The following FREM1 variants were observed in gnomAD, a reference collection of about 807,000 sequenced individuals.
The protein encoded by FREM1 is FRAS1 related extracellular matrix 1, also known as FRAS1-related extracellular matrix protein 1.
A neutral mutation model predicts 210.1 loss-of-function variants in FREM1; 220 were observed. That is an observed-to-expected ratio of 1.05 (90% confidence interval 0.94 to 1.17). FREM1 has a LOEUF of 1.17. FREM1 is among the 50% of genes most tolerant of loss of function. The probability of loss-of-function intolerance (pLI) is 0.00; values close to 1 mark genes in which losing one functional copy is unlikely to be tolerated. For missense variants in FREM1, 3,454 were observed against 2,675.5 expected (o/e 1.29, Z -6.42); for synonymous variants, 1,189 against 980.2 (o/e 1.21, Z -3.98).
chr9:14,797,619 C>G lies in FREM1; in HGVS notation c.3718G>C (p.Asp1240His). The G allele has an allele frequency of 6.2e-7, 1 of 1,612,392 alleles. No individual in the cohort carries two copies. Among genetic ancestry groups the G allele is most frequent in the Non-Finnish European group, 8.5e-7 (1 of 1,179,066 alleles). ...TCATCAGCAAGGCTCTCTGAGTCAT[C>G]ATGCATGTACGTCAACCTCATTCCT... ...KTGMRLTYMH[D>H]DSESLADDFT... Residue 1240 changes from aspartate to histidine, a missense_variant, in exon 21 of 37, where the codon GAT (aspartate) becomes CAT (histidine). By Grantham distance (81) the Asp-to-His change is moderately conservative (BLOSUM62 -1). Coordinates refer to ENST00000380880, the MANE Select transcript of FREM1 (RefSeq NM_001379081.2).
At chr9:14,799,833 C>T (rs1309412524) in intron 20 of FREM1, among the ~76,000 whole-genome samples, 1 of 151,230 alleles carries the variant, frequency 6.6e-6, no homozygotes, top group Non-Finnish European at 1.5e-5. Flanking sequence ...TTTTAGGGTA[C>T]ATGTGCACAA....
intron 4 of FREM1, among the ~76,000 whole-genome samples, chr9:14,858,491 T>A (rs1476181690): frequency 6.8e-6 from 1 of 148,040 alleles, no homozygotes; most frequent in Non-Finnish European, 1.5e-5. Flanking sequence ...TGAGCCACCA[T>A]GCCCAGCCAC....
intron 1 of FREM1, among the ~76,000 whole-genome samples, chr9:14,888,298 T>A (rs1410851417): frequency 6.6e-6 from 1 of 152,172 alleles, no homozygotes; most frequent in African/African-American, 2.4e-5. Flanking sequence ...CCTGGTTTTG[T>A]CCAACTCCAA....
intron 28 of FREM1, among the ~76,000 whole-genome samples, chr9:14,759,248 G>A (rs1263693559): frequency 2.0e-5 from 3 of 152,114 alleles, no homozygotes; most frequent in African/African-American, 4.8e-5. Context: ...GGTGGCTCAC[G>A]CTTGTAATCC....
rs781141642 is a variant in FREM1 at position 14,861,262 on chromosome 9, CATATACACATATATACAT to C, written c.330-1796_330-1779del. On this transcript the variant is annotated intron_variant, in intron 3 of 36. Transcript: ENST00000380880. ...ATACACACATATATACATATATACA[CATATACACATATATACAT>C]ATATACATATATACATATATACACA... Among the ~76,000 whole-genome samples, 512 of 68,072 alleles carry C rather than the reference CATATACACATATATACAT, an allele frequency of 7.5e-3. 82 individuals carry two copies. The highest frequency in any genetic ancestry group is 0.03 in the African/African-American group (296 of 9,862). 44.7% of individuals were successfully genotyped at this position (68,072 alleles called of 152,430 possible).
At chr9:14,740,102 A>T in intron 36 of FREM1, 47 bp downstream of exon 36, 1 of 1,282,964 alleles carries the variant, frequency 7.8e-7, no homozygotes, top group Non-Finnish European at 1.1e-6. Flanking sequence ...TGTTTGTTTC[A>T]TGTCCTTGCC....
In FREM1 at chr9:14,739,472, ATAT is replaced by A. The variant is rs1563802147; in HGVS notation, c.6340+674_6340+676del. On this transcript the variant is annotated intron_variant, in intron 36 of 36. Coordinates refer to ENST00000380880, the MANE Select transcript of FREM1 (RefSeq NM_001379081.2). ...GGAATATATATATATATATATATAT[ATAT>A]AATTCATATATATATATTCATATAT... 3.6e-3 allele frequency among the ~76,000 whole-genome samples: 358 copies of A among 100,654 alleles called. 3 individuals are homozygous for A. The highest frequency in any genetic ancestry group is 0.014 in the African/African-American group (318 of 22,208). 66.0% of individuals were successfully genotyped at this position (100,654 alleles called of 152,430 possible).
chr9:14,870,488 TG>T (rs2131879160), intron 1 of FREM1, among the ~76,000 whole-genome samples: 2 of 152,068 alleles, frequency 1.3e-5, no homozygotes, highest in South Asian at 4.2e-4. Context: ...CTGTTGTCTT[TG>T]TTTTTTTTCT....
intron 1 of FREM1, among the ~76,000 whole-genome samples, chr9:14,883,656 T>C (rs112670728): frequency 1.3e-5 from 2 of 152,298 alleles, no homozygotes; most frequent in African/African-American, 4.8e-5. Flanking sequence ...AATGAGACGG[T>C]AATAACTGTC....
chr9:14,895,134 C>A (rs1043152870), intron 1 of FREM1, among the ~76,000 whole-genome samples: 1 of 152,104 alleles, frequency 6.6e-6, no homozygotes, highest in Admixed American at 6.5e-5. Context: ...AACCCATGGC[C>A]GGTCTCAGCT....
intron 18 of FREM1, among the ~76,000 whole-genome samples, chr9:14,805,846 G>C (rs529829525): frequency 6.6e-6 from 1 of 152,212 alleles, no homozygotes; most frequent in Admixed American, 6.5e-5. Context: ...GTCTGTTTTT[G>C]CCTGAAATAC....
chr9:14,785,176 G>A (rs893192845), intron 23 of FREM1, among the ~76,000 whole-genome samples: 3 of 152,174 alleles, frequency 2.0e-5, no homozygotes, highest in Non-Finnish European at 2.9e-5. Flanking sequence ...AGCATTACAT[G>A]CAACCCAAAT....
At chr9:14,813,422 C>G (rs1322275891) in intron 15 of FREM1, among the ~76,000 whole-genome samples, 1 of 152,328 alleles carries the variant, frequency 6.6e-6, no homozygotes, top group Admixed American at 6.5e-5. Context: ...CAGAAGAATT[C>G]TGGTCCTTGT....
At chr9:14,845,515 G>C (rs868634417) in intron 8 of FREM1, among the ~76,000 whole-genome samples, 3 of 152,162 alleles carry the variant, frequency 2.0e-5, no homozygotes, top group Non-Finnish European at 2.9e-5. Flanking sequence ...ATATTGGTCA[G>C]GCTGGTCTTG....
At chr9:14,875,420 T>TTCATC (rs1833515638) in intron 1 of FREM1, among the ~76,000 whole-genome samples, 1 of 152,210 alleles carries the variant, frequency 6.6e-6, no homozygotes, top group African/African-American at 2.4e-5. Flanking sequence ...TTCATTTCAT[T>TTCATC]CATTTCATCC....
intron 14 of FREM1, among the ~76,000 whole-genome samples, chr9:14,817,374 G>A (rs1820487553): frequency 6.6e-6 from 1 of 152,152 alleles, no homozygotes; most frequent in Admixed American, 6.5e-5. Flanking sequence ...CCTCTTTCCT[G>A]TCATTTCTCC....
chr9:14,812,161 C>T (rs1429447555), intron 16 of FREM1, among the ~76,000 whole-genome samples: 1 of 152,042 alleles, frequency 6.6e-6, no homozygotes, highest in African/African-American at 2.4e-5. Context: ...TCCTGTGTAC[C>T]CCACAGTGCT....
At chr9:14,846,624 A>T (rs893951332) in intron 7 of FREM1, among the ~76,000 whole-genome samples, 2 of 152,220 alleles carry the variant, frequency 1.3e-5, no homozygotes, top group Non-Finnish European at 2.9e-5. Context: ...AACCATCTGA[A>T]TATTGCATCT....
intron 21 of FREM1, among the ~76,000 whole-genome samples, chr9:14,793,121 T>C (rs1404925651): frequency 2.6e-5 from 4 of 152,242 alleles, no homozygotes; most frequent in Non-Finnish European, 4.4e-5. Flanking sequence ...AATTAGGCAC[T>C]TCTAATTGAT....
Sources: gnomAD v4.1 joint callset for allele counts (sites outside exome capture counted in the v4.1 genomes callset) on GRCh38, gnomAD v4.1.1 for gene constraint, MANE v1.5 for transcripts, NCBI Gene and HGNC (gene_info 2026-07-23, HGNC 2026-07-21) for gene names.